TBC1D14: variants seen among roughly 807,000 people sequenced by gnomAD.
TBC1D14 encodes the protein TBC1 domain family, member 14.
Under a neutral mutation model 79.0 loss-of-function variants are expected in TBC1D14, and 26 were observed. The observed-to-expected ratio is 0.33, with a 90% CI of 0.24 to 0.46. The LOEUF is 0.46. TBC1D14 is among the 20% of genes least tolerant of loss of function. The pLI, the probability that TBC1D14 is intolerant of heterozygous loss-of-function variation, is 1.00. For missense variants in TBC1D14, 769 were observed against 887.6 expected (o/e 0.87, Z 1.70); for synonymous variants, 394 against 349.9 (o/e 1.13, Z -1.40).
At chr4:6,975,398 C>A (rs1716634140) in intron 3 of TBC1D14, among the ~76,000 whole-genome samples, 1 of 151,676 alleles carries the variant, frequency 6.6e-6, no homozygotes, top group African/African-American at 2.4e-5. Flanking sequence ...TTTGTAGAGA[C>A]AAGGTTTTGC....
At position 6,986,580 on chromosome 4, in the gene TBC1D14, G is replaced by T. The variant is rs1406579777; in HGVS notation, c.844-7604G>T. ...CGGGGGGAGCCTTGGGCTAGGCCCC[G>T]TCACGGGAGAGCCTCGTGTTGTCGC... On this transcript the variant is annotated intron_variant, in intron 3 of 13. Transcript: ENST00000409757. Among the ~76,000 whole-genome samples the T allele has an allele frequency of 2.6e-5, 4 of 152,212 alleles. No homozygotes were observed. The East Asian group carries it at 7.7e-4, about 29-fold the overall frequency.
chr4:6,919,062 G>A (rs1723623021), intron 1 of TBC1D14, among the ~76,000 whole-genome samples: 1 of 152,150 alleles, frequency 6.6e-6, no homozygotes, highest in Non-Finnish European at 1.5e-5. Context: ...GTAGGGAGGC[G>A]ATGTCCGGAT....
intron 3 of TBC1D14, among the ~76,000 whole-genome samples, chr4:6,977,331 C>T (rs1441044121): frequency 2.7e-5 from 4 of 147,244 alleles, no homozygotes; most frequent in African/African-American, 7.4e-5. Context: ...CTGTGTTGGC[C>T]GGGCTGGTCT....
intron 2 of TBC1D14, among the ~76,000 whole-genome samples, chr4:6,935,121 G>A (rs921684461): frequency 2.0e-5 from 3 of 152,132 alleles, no homozygotes. Context: ...GTCCCAAAGA[G>A]ACTGGGAGAA....
At chr4:6,989,126 G>A (rs1332055432) in intron 3 of TBC1D14, among the ~76,000 whole-genome samples, 1 of 151,896 alleles carries the variant, frequency 6.6e-6, no homozygotes, top group South Asian at 2.1e-4. Context: ...CTTTTCCCCC[G>A]CTTTTTAAAC....
chr4:7,008,487 A>G (rs1053814377), intron 9 of TBC1D14, among the ~76,000 whole-genome samples: 8 of 152,206 alleles, frequency 5.3e-5, no homozygotes, highest in Admixed American at 2.6e-4. Context: ...ATCTCGGCTC[A>G]CCGCAGCCTC....
rs1724071441 is a variant in TBC1D14 at position 6,923,964 on chromosome 4, T to A, written c.575T>A (p.Leu192Gln). ...VTSSSSAIVT[L>Q]ENDDDPQFTN... ...AGCAGCTCCAGTGCCATTGTGACCC[T>A]GGAGAATGACGATGACCCACAGTTT... The change falls in exon 2 of 14, where the codon CTG becomes CAG. Residue 192 changes from leucine (L) to glutamine (Q), a missense_variant. Leu to Gln is a moderately radical substitution (Grantham distance 113, BLOSUM62 -2). Coordinates refer to ENST00000409757, the MANE Select transcript of TBC1D14 (RefSeq NM_020773.3). 6.2e-7 allele frequency: 1 copy of A among 1,614,146 alleles called. No homozygotes were observed. The highest frequency in any genetic ancestry group is 8.5e-7 in the Non-Finnish European group (1 of 1,180,014).
chr4:6,965,558 A>T (rs1470670608), intron 2 of TBC1D14, among the ~76,000 whole-genome samples: 2 of 152,078 alleles, frequency 1.3e-5, no homozygotes, highest in African/African-American at 4.8e-5. Context: ...CTGGCTTTTT[A>T]AAAAATAGAG....
chr4:7,011,712 A>G (rs1720792935), intron 11 of TBC1D14, among the ~76,000 whole-genome samples: 1 of 151,698 alleles, frequency 6.6e-6, no homozygotes, highest in Admixed American at 6.6e-5. Context: ...GTCTGCCACC[A>G]TGCCAGGCTA....
At chr4:6,958,922 C>T (rs1270267525) in intron 2 of TBC1D14, among the ~76,000 whole-genome samples, 3 of 150,240 alleles carry the variant, frequency 2.0e-5, no homozygotes, top group South Asian at 2.1e-4. Context: ...CTCGCTCTGT[C>T]GCCCAGGCTG....
chr4:6,977,093 T>TCCCTCTCCCTC (rs1491292742), intron 3 of TBC1D14, among the ~76,000 whole-genome samples: 2 of 10,242 alleles, frequency 2.0e-4, no homozygotes, highest in African/African-American at 2.4e-4. Context: ...CTCTCCCCAC[T>TCCCTCTCCCTC]GTCTCCCTCT....
chr4:7,005,046 C>T, intron 8 of TBC1D14, 122 bp downstream of exon 8: 1 of 910,152 alleles, frequency 1.1e-6, no homozygotes. Flanking sequence ...TAAAAAGCTC[C>T]ACGAGAAAAG....
Position 6,919,042 on chromosome 4 carries a change from G to A in TBC1D14, c.-17-4331G>A, listed in dbSNP as rs1443562360. Among the ~76,000 whole-genome samples the A allele has an allele frequency of 2.0e-5, 3 of 152,142 alleles. No homozygotes were observed. In the South Asian group the frequency reaches 6.2e-4, roughly 32 times the overall value. On this transcript the variant is annotated intron_variant, in intron 1 of 13. Transcript: ENST00000409757. The stretch of plus-strand genomic sequence containing the variant: ...GCGAGGGCTGTGAAACACTGAAAAC[G>A]TGTTCACGCGTAGGGAGGCGATGTC...
chr4:6,994,125 C>T, intron 3 of TBC1D14, 59 bp from the exon 4 acceptor site: 3 of 1,405,780 alleles, frequency 2.1e-6, no homozygotes, highest in Non-Finnish European at 3.0e-6. Context: ...TTCTTACTTT[C>T]CGAAGGACTT....
intron 12 of TBC1D14, among the ~76,000 whole-genome samples, chr4:7,020,508 C>T (rs1056277095): frequency 5.9e-5 from 9 of 152,086 alleles, no homozygotes; most frequent in African/African-American, 9.7e-5. Context: ...GGAGTGAGGG[C>T]GCCTCCTTAG....
intron 3 of TBC1D14, chr4:6,987,491 G>T (rs947621159): frequency 3.9e-6 from 3 of 767,098 alleles, no homozygotes; most frequent in East Asian, 3.4e-5. Context: ...TTGTGCGGGT[G>T]TGCGAGCATC....
At chr4:7,015,476 T>C (rs1362563381) in intron 12 of TBC1D14, among the ~76,000 whole-genome samples, 1 of 152,074 alleles carries the variant, frequency 6.6e-6, no homozygotes, top group Admixed American at 6.5e-5. Flanking sequence ...TTGAGGTGCC[T>C]GCGGGACATG....
At position 7,014,433 on chromosome 4, in the gene TBC1D14, A is replaced by G. The variant is rs777117725; in HGVS notation, c.1648-15A>G. On this transcript the variant is annotated splice_polypyrimidine_tract_variant and intron_variant, in intron 11 of 13. Transcript: ENST00000409757. ...TGCAGATAGTTTCTGAGTAAATTTC[A>G]TATTATCTCCCTAGATGTTGACTTA... 3.3e-5 allele frequency: 52 copies of G among 1,568,834 alleles called. No homozygotes were observed. In the Middle Eastern group the frequency reaches 1.2e-3, roughly 35 times the overall value.
chr4:6,916,127 A>AG (rs1278825137), intron 1 of TBC1D14, among the ~76,000 whole-genome samples: 6 of 15,100 alleles, frequency 4.0e-4, no homozygotes, highest in East Asian at 1.5e-3. Context: ...GCTCCATCTC[A>AG]GGAAAAAAAA....
Sources: gnomAD v4.1 joint callset for allele counts (sites outside exome capture counted in the v4.1 genomes callset) on GRCh38, gnomAD v4.1.1 for gene constraint, MANE v1.5 for transcripts, NCBI Gene and HGNC (gene_info 2026-07-23, HGNC 2026-07-21) for gene names.